ZNF30: variants seen among roughly 807,000 people sequenced by gnomAD.
The protein encoded by ZNF30 is zinc finger protein 30.
A neutral mutation model predicts 13.2 loss-of-function variants in ZNF30; 15 were observed. The observed-to-expected ratio is 1.13, with a 90% confidence interval of 0.76 to 1.75. The LOEUF (loss-of-function observed/expected upper bound fraction) is 1.75. ZNF30 is among the 40% of genes most tolerant of loss of function. The probability of loss-of-function intolerance (pLI) is 0.00; values close to 1 mark genes in which losing one functional copy is unlikely to be tolerated. For missense variants in ZNF30, 726 were observed against 757.0 expected (o/e 0.96, Z 0.48); for synonymous variants, 223 against 256.6 (o/e 0.87, Z 1.25).
upstream of ZNF30, chr19:34,926,783 G>A (rs1310306746): frequency 2.5e-6 from 1 of 395,646 alleles, no homozygotes; most frequent in Admixed American, 4.4e-5. Flanking sequence ...CCTACTTCGG[G>A]CCTCAGGTGT....
At chr19:34,941,987 G>C (rs952509223) in intron 4 of ZNF30, among the ~76,000 whole-genome samples, 1 of 152,014 alleles carries the variant, frequency 6.6e-6, no homozygotes, top group Admixed American at 6.6e-5. Flanking sequence ...GTTTCTCCTT[G>C]TGACTAAACA....
chr19:34,935,250 A>G (rs570160003), intron 4 of ZNF30, among the ~76,000 whole-genome samples: 1 of 151,698 alleles, frequency 6.6e-6, no homozygotes, highest in East Asian at 1.9e-4. Context: ...AAAATTTTTA[A>G]AAACAATTTT....
Position 34,944,837 on chromosome 19 carries a change from A to G in ZNF30, c.1871A>G (p.Ter624=). 1 of 1,580,420 alleles carries G rather than the reference A, an allele frequency of 6.3e-7. No homozygotes were observed. The highest frequency in any genetic ancestry group is 8.6e-7 in the Non-Finnish European group (1 of 1,159,200). The change falls in exon 5 of 5, where the codon TAA becomes TGA. Residue 624 remains the stop codon, a stop_retained_variant. Transcript: ENST00000601142. ...AGAAAACATATGAGTGTTATACCCTAAGAGTCTGAGGAGTGTGGGAAGTGC... is the reference window on the plus strand; with the variant it reads ...AGAAAACATATGAGTGTTATACCCTGAGAGTCTGAGGAGTGTGGGAAGTGC... The part of the protein sequence containing the change: ...HLRKHMSVIP[*]
rs762415539 is a variant in ZNF30 at position 34,943,811 on chromosome 19, A to G, written c.845A>G (p.His282Arg). 2 of 1,613,992 alleles carry G rather than the reference A, an allele frequency of 1.2e-6. No individual in the cohort carries two copies. Among genetic ancestry groups the G allele is most frequent in the Non-Finnish European group, 1.7e-6 (2 of 1,180,004 alleles). The stretch of plus-strand genomic sequence containing the variant: ...TACCTGGTTCAACATCAGCGAATTC[A>G]TACCAGTGAAAAACCTTACGAATGC... ...FSYLVQHQRI[H>R]TSEKPYECKE... Residue 282 changes from histidine (H) to arginine (R), a missense_variant, in exon 5 of 5, where the codon CAT becomes CGT. His to Arg is a conservative substitution (Grantham distance 29). Coordinates refer to ENST00000601142, the MANE Select transcript of ZNF30 (RefSeq NM_194325.3).
chr19:34,942,694 G>A (rs1470045819), intron 4 of ZNF30: 16 of 1,238,024 alleles, frequency 1.3e-5, no homozygotes, highest in Non-Finnish European at 1.5e-5. Context: ...TTGTAAGAAC[G>A]TCAAGGTGCT....
At chr19:34,926,775 T>C, upstream of ZNF30, 1 of 395,508 alleles carries the variant, frequency 2.5e-6, no homozygotes, top group Non-Finnish European at 4.5e-6. Flanking sequence ...GCTGGCCACC[T>C]ACTTCGGGCC....
rs1430985573 is a variant in ZNF30 at position 34,944,028 on chromosome 19, A to G, written c.1062A>G (p.Arg354=). 6.2e-7 allele frequency: 1 copy of G among 1,613,602 alleles called. No individual in the cohort carries two copies. The highest frequency in any genetic ancestry group is 1.3e-5 in the African/African-American group (1 of 74,750). The part of the protein sequence containing the change: ...FECKECGKAF[R]LSSFLHAHQR... The stretch of plus-strand genomic sequence containing the variant: ...GTAAGGAATGTGGAAAGGCCTTTAG[A>G]CTTAGTTCCTTCCTTCATGCACATC... The change falls in exon 5 of 5, where the codon AGA becomes AGG. Residue 354 remains arginine (R), a synonymous_variant. Transcript: ENST00000601142.
At chr19:34,933,351 G>T (rs2012559442) in intron 3 of ZNF30, among the ~76,000 whole-genome samples, 1 of 152,004 alleles carries the variant, frequency 6.6e-6, no homozygotes, top group Non-Finnish European at 1.5e-5. Flanking sequence ...TACTCGGGAG[G>T]CTGAGGTGGG....
At position 34,944,715 on chromosome 19, in the gene ZNF30, T is replaced by G; in HGVS notation, c.1749T>G (p.Leu583=). 6.2e-7 allele frequency: 1 copy of G among 1,612,586 alleles called. No individual in the cohort carries two copies. Among genetic ancestry groups the G allele is most frequent in the Non-Finnish European group, 8.5e-7 (1 of 1,178,818 alleles). ...AGGCCTTTAGACTTAATTCATTCCTTACTGAACATCAGCGGGTACACACTG... is the reference window on the plus strand; with the variant it reads ...AGGCCTTTAGACTTAATTCATTCCTGACTGAACATCAGCGGGTACACACTG... ...CGKAFRLNSF[L]TEHQRVHTGE... is the part of the protein sequence containing the mutation. Residue 583 remains leucine, a synonymous_variant, in exon 5 of 5, where the codon CTT becomes CTG. Coordinates refer to ENST00000601142, the MANE Select transcript of ZNF30 (RefSeq NM_194325.3).
chr19:34,929,764 A>G (rs1298506862), intron 1 of ZNF30, 120 bp from the exon 2 acceptor site: 2 of 545,852 alleles, frequency 3.7e-6, no homozygotes, highest in Middle Eastern at 2.8e-4. Flanking sequence ...CTGTTCTCCA[A>G]ATTTTGTTTG....
At chr19:34,942,890 G>A (rs939180114) in intron 4 of ZNF30, among the ~76,000 whole-genome samples, 17 of 152,184 alleles carry the variant, frequency 1.1e-4, no homozygotes, top group African/African-American at 3.9e-4. Flanking sequence ...AGAAACATTT[G>A]TTAGAAAGGT....
rs771810906 is a variant in ZNF30 at position 34,943,775 on chromosome 19, G to A, written c.809G>A (p.Ser270Asn). The A allele has an allele frequency of 1.5e-5, 25 of 1,613,698 alleles. No homozygotes were observed. Among genetic ancestry groups the A allele is most frequent in the African/African-American group, 5.3e-5 (4 of 74,842 alleles). The change falls in exon 5 of 5, where the codon AGT becomes AAT. Residue 270 changes from serine (S) to asparagine (N), a missense_variant. Transcript: ENST00000601142. Reference sequence around the variant, plus strand: ...TGTGAGGAGTGTGGGAAGGCCTTCAGTACCTTTTCATACCTGGTTCAACAT... The same window carrying A: ...TGTGAGGAGTGTGGGAAGGCCTTCAATACCTTTTCATACCTGGTTCAACAT... ...FGCEECGKAF[S>N]TFSYLVQHQR...
At chr19:34,930,365 A>G (rs1286804812) in intron 2 of ZNF30, among the ~76,000 whole-genome samples, 1 of 152,202 alleles carries the variant, frequency 6.6e-6, no homozygotes, top group Non-Finnish European at 1.5e-5. Context: ...ATTGGTCTCA[A>G]TATGATGAGA....
intron 4 of ZNF30, among the ~76,000 whole-genome samples, chr19:34,938,754 T>G (rs1478879465): frequency 6.6e-6 from 1 of 152,150 alleles, no homozygotes; most frequent in East Asian, 1.9e-4. Context: ...TTGTCTTGGC[T>G]CTATCTGTTT....
chr19:34,927,486 G>T (rs1377332450), intron 1 of ZNF30, among the ~76,000 whole-genome samples: 1 of 152,194 alleles, frequency 6.6e-6, no homozygotes, highest in Non-Finnish European at 1.5e-5. Context: ...AAATGGGATT[G>T]CCAGGAAGCC....
Position 34,933,683 on chromosome 19 carries a change from T to C in ZNF30, c.216T>C (p.Pro72=), listed in dbSNP as rs2012580837. The C allele has an allele frequency of 5.6e-6, 9 of 1,597,884 alleles. No homozygotes were observed. The highest frequency in any genetic ancestry group is 7.7e-6 in the Non-Finnish European group (9 of 1,171,856). ...CCTTATTGGAACAATGGAAAGAGCC[T>C]GAAGTGACAGTGAGGAAAGATGGAA... The part of the protein sequence containing the change: ...VIALLEQWKE[P]EVTVRKDGRR... The change falls in exon 4 of 5, where the codon CCT becomes CCC. Residue 72 remains proline (P), a synonymous_variant. Transcript: ENST00000601142.
intron 4 of ZNF30, among the ~76,000 whole-genome samples, chr19:34,938,538 G>T (rs1186346348): frequency 6.6e-6 from 1 of 151,938 alleles, no homozygotes; most frequent in Non-Finnish European, 1.5e-5. Context: ...TTACCACTTT[G>T]CTCTATATCT....
intron 2 of ZNF30, among the ~76,000 whole-genome samples, chr19:34,930,501 C>A (rs1254137923): frequency 2.0e-5 from 3 of 152,076 alleles, no homozygotes; most frequent in Non-Finnish European, 1.5e-5. Flanking sequence ...GGAATGGGAC[C>A]TGCCAGACTT....
At chr19:34,937,689 C>G (rs1004605707) in intron 4 of ZNF30, among the ~76,000 whole-genome samples, 2 of 151,636 alleles carry the variant, frequency 1.3e-5, no homozygotes, top group Admixed American at 1.3e-4. Flanking sequence ...AGTCTGCGCT[C>G]CAGCCTGGGT....
Sources: allele counts gnomAD v4.1 joint callset (sites outside exome capture counted in the v4.1 genomes callset), GRCh38; gene constraint gnomAD v4.1.1; transcripts MANE v1.5; gene names NCBI Gene and HGNC (gene_info 2026-07-23, HGNC 2026-07-21).